Variants in TCF7 observed in about 807,000 individuals in gnomAD.
TCF7 encodes the protein T-cell-factor-7.
A neutral mutation model predicts 46.8 loss-of-function variants in TCF7; 19 were observed. The ratio of observed to expected loss-of-function variants is 0.41; its 90% CI spans 0.28 to 0.60. The LOEUF (loss-of-function observed/expected upper bound fraction) is 0.60. TCF7 is among the 20% of genes least tolerant of loss of function. The pLI, the probability that TCF7 is intolerant of heterozygous loss-of-function variation, is 0.35. For missense variants in TCF7, 547 were observed against 504.6 expected (o/e 1.08, Z -0.81); for synonymous variants, 245 against 213.4 (o/e 1.15, Z -1.29).
At chr5:134,139,134 A>C (rs1580878401) in intron 5 of TCF7, 96 bp downstream of exon 5, 1 of 1,510,184 alleles carries the variant, frequency 6.6e-7, no homozygotes. Flanking sequence ...TTGGCTGGCC[A>C]CCCTGCTGCC....
chr5:134,116,081 G>C, intron 3 of TCF7, 48 bp downstream of exon 3: 1 of 1,572,582 alleles, frequency 6.4e-7, no homozygotes, highest in Non-Finnish European at 8.6e-7. Flanking sequence ...CAGCCTCCTT[G>C]ACCAGGTAGG....
At chr5:134,140,689 C>T in intron 5 of TCF7, 1 of 396,946 alleles carries the variant, frequency 2.5e-6, no homozygotes, top group Non-Finnish European at 5.0e-6. Context: ...CAGCAGAGGC[C>T]CATCTGTCTC....
At chr5:134,145,531 G>C in intron 9 of TCF7, 1 of 607,126 alleles carries the variant, frequency 1.6e-6, no homozygotes, top group African/African-American at 1.8e-5. Context: ...GTCAGTTTCA[G>C]GCCAGGCCTG....
chr5:134,128,550 G>GC (rs1757665350), intron 3 of TCF7, among the ~76,000 whole-genome samples: 1 of 151,514 alleles, frequency 6.6e-6, no homozygotes, highest in South Asian at 2.1e-4. Flanking sequence ...TGTCCTCCTA[G>GC]GGCTGGTGCA....
At chr5:134,124,853 C>T (rs1251424050) in intron 3 of TCF7, among the ~76,000 whole-genome samples, 1 of 152,170 alleles carries the variant, frequency 6.6e-6, no homozygotes, top group African/African-American at 2.4e-5. Flanking sequence ...GGCCTGCCCC[C>T]ACTCCACCAT....
At chr5:134,145,577 G>T (rs1367367176) in intron 9 of TCF7, 19 of 711,354 alleles carry the variant, frequency 2.7e-5, no homozygotes, top group Non-Finnish European at 3.5e-5. Flanking sequence ...AGGCAGTAAG[G>T]CCACTGGCTC....
intron 3 of TCF7, among the ~76,000 whole-genome samples, chr5:134,131,911 A>G: frequency 6.6e-6 from 1 of 152,258 alleles, no homozygotes; most frequent in Non-Finnish European, 1.5e-5. Context: ...AGCAGGGGAC[A>G]TGGCTGGGGC....
rs73790177 is a variant in TCF7, at chr5:134,137,992, C to A, written c.442-67C>A. ...CTTTGACAGCTGGGCTTCCTGTATA[C>A]CCTCATCCCAGTGTCTTCCTCCCTC... On this transcript the variant is annotated intron_variant, in intron 3 of 9. Transcript: ENST00000342854. 2,980 of 1,334,640 alleles carry A rather than the reference C, an allele frequency of 2.2e-3. 62 individuals are homozygous for A. The African/African-American group carries it at 0.038, about 17-fold the overall frequency. 82.7% of individuals were successfully genotyped at this position (1,334,640 alleles called of 1,614,324 possible).
chr5:134,119,242 T>G (rs1056072212), intron 3 of TCF7, among the ~76,000 whole-genome samples: 1 of 152,212 alleles, frequency 6.6e-6, no homozygotes, highest in Non-Finnish European at 1.5e-5. Flanking sequence ...CTTAGACAGA[T>G]GCCGAGCCTT....
chr5:134,137,414 A>G (rs1236510082), intron 3 of TCF7, among the ~76,000 whole-genome samples: 1 of 135,722 alleles, frequency 7.4e-6, no homozygotes, highest in African/African-American at 2.8e-5. Context: ...CCACAGAGTG[A>G]GACTCTGTCT....
upstream of TCF7, among the ~76,000 whole-genome samples, chr5:134,110,106 G>A (rs1408260089): frequency 6.6e-6 from 1 of 152,154 alleles, no homozygotes. Context: ...CACAATGTGG[G>A]AAAAATAACC....
chr5:134,115,304 T>C lies in TCF7; in HGVS notation c.250-17T>C, dbSNP rs1361976133. The C allele has an allele frequency of 4.6e-6, 7 of 1,522,222 alleles. No individual in the cohort carries two copies. Among genetic ancestry groups the C allele is most frequent in the Non-Finnish European group, 6.2e-6 (7 of 1,129,772 alleles). 94.3% of individuals were successfully genotyped at this position (1,522,222 alleles called of 1,614,324 possible). On this transcript the variant is annotated splice_polypyrimidine_tract_variant and intron_variant, in intron 1 of 9. Coordinates refer to ENST00000342854, the MANE Select transcript of TCF7 (RefSeq NM_003202.5). ...GCGGTCCCACCGCCCCTCACTCCCC[T>C]CCGGTTCTCCCTCCAGGCTCTCGGG... is the stretch of plus-strand genomic sequence containing the variant.
intron 5 of TCF7, chr5:134,140,632 G>C (rs988473683): frequency 1.6e-5 from 6 of 364,732 alleles, no homozygotes; most frequent in Non-Finnish European, 1.6e-5. Context: ...CAAGTTTATA[G>C]AGGGAAACCG....
At chr5:134,120,535 G>C (rs151169146) in intron 3 of TCF7, among the ~76,000 whole-genome samples, 49 of 152,192 alleles carry the variant, frequency 3.2e-4, no homozygotes, top group Admixed American at 7.2e-4. Flanking sequence ...TGTCCTAGGG[G>C]GTCTTACAGC....
chr5:134,145,899 T>G (rs905335765), intron 9 of TCF7: 207 of 1,553,290 alleles, frequency 1.3e-4, no homozygotes, highest in Admixed American at 5.8e-4. Flanking sequence ...CACAAACACA[T>G]CTGGAGAAGC....
At chr5:134,129,946 C>T (rs769323983) in intron 3 of TCF7, among the ~76,000 whole-genome samples, 3 of 152,216 alleles carry the variant, frequency 2.0e-5, no homozygotes, top group Non-Finnish European at 4.4e-5. Flanking sequence ...CCTTGCCATC[C>T]CCCACCCCTT....
upstream of TCF7, among the ~76,000 whole-genome samples, chr5:134,109,990 G>A (rs1388127277): frequency 6.6e-6 from 1 of 152,144 alleles, no homozygotes; most frequent in Non-Finnish European, 1.5e-5. Flanking sequence ...CTTCGCTGTC[G>A]CCACCTTGGT....
intron 5 of TCF7, chr5:134,139,553 G>A (rs1378887395): frequency 6.5e-6 from 1 of 154,170 alleles, no homozygotes; most frequent in Non-Finnish European, 1.4e-5. Context: ...CCAAGCCTCT[G>A]ACCAGCCTGC....
At chr5:134,114,292 A>C (rs1290640903), upstream of TCF7, among the ~76,000 whole-genome samples, 1 of 152,086 alleles carries the variant, frequency 6.6e-6, no homozygotes, top group East Asian at 1.9e-4. Flanking sequence ...GGAAGCCCCC[A>C]GTTCAAAGCA....
Sources: gnomAD v4.1 joint callset for allele counts (sites outside exome capture counted in the v4.1 genomes callset) on GRCh38, gnomAD v4.1.1 for gene constraint, MANE v1.5 for transcripts, NCBI Gene and HGNC (gene_info 2026-07-23, HGNC 2026-07-21) for gene names.